Variants in ATP2C2 observed in about 807,000 individuals in gnomAD.
The protein encoded by ATP2C2 is calcium-transporting ATPase type 2C member 2.
A neutral mutation model predicts 110.8 loss-of-function variants in ATP2C2; 171 were observed. The observed-to-expected ratio is 1.54, with a 90% CI of 1.36 to 1.75. The LOEUF is 1.75. Ranked by LOEUF, ATP2C2 falls within the 40% of genes most tolerant of loss-of-function variation. ATP2C2 has a pLI of 0.00. For synonymous variants in ATP2C2, 804 were observed against 508.4 expected (o/e 1.58, Z -7.82); for missense variants, 1,963 against 1,235.0 (o/e 1.59, Z -8.84).
chr16:84,368,822 G>C, intron 1 of ATP2C2, 108 bp downstream of exon 1: 2 of 942,462 alleles, frequency 2.1e-6, no homozygotes, highest in Non-Finnish European at 3.1e-6. Context: ...CCGCGAACTC[G>C]CCCTCCTCCC....
intron 1 of ATP2C2, among the ~76,000 whole-genome samples, chr16:84,390,354 C>G (rs1461810117): frequency 1.3e-5 from 2 of 152,220 alleles, no homozygotes; most frequent in East Asian, 1.9e-4. Flanking sequence ...ACGTGCACTT[C>G]GTGGTCCCCT....
At chr16:84,411,365 G>A (rs985977123) in intron 6 of ATP2C2, among the ~76,000 whole-genome samples, 4 of 152,196 alleles carry the variant, frequency 2.6e-5, no homozygotes, top group Admixed American at 2.0e-4. Flanking sequence ...TCTGCTTAGC[G>A]TAGCCCTGTG....
In ATP2C2 at chr16:84,439,471, G is replaced by A. The variant is rs774881764; in HGVS notation, c.1156G>A (p.Ala386Thr). The change falls in exon 13 of 27, where the codon GCC becomes ACC. Residue 386 changes from alanine (A) to threonine (T), a missense_variant. By Grantham distance (58) the Ala-to-Thr change is moderately conservative (BLOSUM62 0). Coordinates refer to ENST00000262429, the MANE Select transcript of ATP2C2 (RefSeq NM_014861.4). The part of the protein sequence containing the change: ...LCSDKTGTLT[A>T]NEMTVTQLVT... ...TTCTGACAAGACGGGGACTCTGACT[G>A]CCAATGAAATGACAGTGACCCAGCT... The A allele has an allele frequency of 3.1e-6, 5 of 1,614,064 alleles. No homozygotes were observed. The highest frequency in any genetic ancestry group is 2.7e-5 in the African/African-American group (2 of 74,920).
intron 6 of ATP2C2, among the ~76,000 whole-genome samples, chr16:84,413,491 C>T (rs561262443): frequency 2.4e-4 from 36 of 152,232 alleles, no homozygotes; most frequent in Non-Finnish European, 3.4e-4. Context: ...GCTCGCTGGT[C>T]GGATGAACAG....
At chr16:84,448,508 A>G in intron 16 of ATP2C2, 25 bp from the exon 17 acceptor site, 1 of 1,595,218 alleles carries the variant, frequency 6.3e-7, no homozygotes. Context: ...GTGATAGTGG[A>G]TTTCTTCCCT....
chr16:84,381,996 T>C (rs1288448524), intron 1 of ATP2C2, among the ~76,000 whole-genome samples: 1 of 152,178 alleles, frequency 6.6e-6, no homozygotes, highest in Non-Finnish European at 1.5e-5. Flanking sequence ...TCAAATGCTT[T>C]CTTTTTTTCT....
chr16:84,375,217 C>T (rs1033535966), intron 1 of ATP2C2, among the ~76,000 whole-genome samples: 3 of 152,302 alleles, frequency 2.0e-5, no homozygotes, highest in African/African-American at 7.2e-5. Context: ...ACACAGTGGA[C>T]GGCTATGATT....
At chr16:84,394,445 G>A (rs1056705122) in intron 1 of ATP2C2, among the ~76,000 whole-genome samples, 1 of 151,994 alleles carries the variant, frequency 6.6e-6, no homozygotes, top group Non-Finnish European at 1.5e-5. Context: ...CTCACATACC[G>A]TGTGGCCTTT....
intron 2 of ATP2C2, chr16:84,404,607 T>C (rs1328636783): frequency 1.2e-5 from 3 of 256,872 alleles, no homozygotes; most frequent in Non-Finnish European, 2.3e-5. Context: ...CCTTGAAAGA[T>C]TGGTGGGTTG....
At chr16:84,408,279 C>T in intron 3 of ATP2C2, 126 bp from the exon 4 acceptor site, 3 of 873,030 alleles carry the variant, frequency 3.4e-6, no homozygotes, top group Admixed American at 2.0e-5. Flanking sequence ...CCTCGGTCAC[C>T]ATGGTGTTGA....
chr16:84,449,774 C>T (rs546756479), intron 17 of ATP2C2, among the ~76,000 whole-genome samples: 1 of 152,220 alleles, frequency 6.6e-6, no homozygotes, highest in Non-Finnish European at 1.5e-5. Context: ...ATGGTTGATA[C>T]GACCAAGCCA....
chr16:84,412,364 ATG>A lies in ATP2C2; in HGVS notation c.515+1608_515+1609del, dbSNP rs1491523538. ...TGCGTGTGTCTGCGTGCGTGTGTGC[ATG>A]TGTGTGTGCGTGTGTGTATATGTGT... On this transcript the variant is annotated intron_variant, in intron 6 of 26. Transcript: ENST00000262429. Among the ~76,000 whole-genome samples, 45 of 78,082 alleles carry A rather than the reference ATG, an allele frequency of 5.8e-4. 2 individuals carry two copies. Among genetic ancestry groups the A allele is most frequent in the Admixed American group, 4.5e-3 (38 of 8,508 alleles). The allele number at this position is 78,082 out of a possible 152,430, so 51.2% of individuals were successfully genotyped here.
chr16:84,378,699 G>T (rs1910394531), intron 1 of ATP2C2, among the ~76,000 whole-genome samples: 1 of 152,214 alleles, frequency 6.6e-6, no homozygotes, highest in Non-Finnish European at 1.5e-5. Flanking sequence ...CTCAGTGGTG[G>T]GGGCAGGGCC....
intron 17 of ATP2C2, 113 bp downstream of exon 17, chr16:84,448,802 C>G: frequency 7.2e-7 from 1 of 1,391,466 alleles, no homozygotes; most frequent in Admixed American, 2.3e-5. Flanking sequence ...AGGAGTCAGG[C>G]AGCATGCTGA....
intron 1 of ATP2C2, among the ~76,000 whole-genome samples, chr16:84,370,361 C>A (rs113461802): frequency 6.6e-6 from 1 of 152,182 alleles, no homozygotes; most frequent in African/African-American, 2.4e-5. Flanking sequence ...CGCCAGGAGG[C>A]GGGTGATACC....
Position 84,442,577 on chromosome 16 carries a change from C to G in ATP2C2, c.1379C>G (p.Ala460Gly), listed in dbSNP as rs1475267306. 1 of 1,613,894 alleles carries G rather than the reference C, an allele frequency of 6.2e-7. No homozygotes were observed. Among genetic ancestry groups the G allele is most frequent in the East Asian group, 2.2e-5 (1 of 44,884 alleles). The change falls in exon 15 of 27, where the codon GCA becomes GGA. Residue 460 changes from alanine to glycine, a missense_variant. Ala to Gly is a moderately conservative substitution (Grantham distance 60). Transcript: ENST00000262429. ...NAVMGQPTEG[A>G]LMALAMKMDL... ...GTGATGGGGCAGCCCACCGAGGGTG[C>G]ATTGATGGCCCTGGCGATGAAGGTA...
Position 84,425,729 on chromosome 16 carries a change from C to T in ATP2C2, c.920-6C>T. 1.2e-6 allele frequency: 2 copies of T among 1,613,980 alleles called. No homozygotes were observed. The highest frequency in any genetic ancestry group is 1.7e-6 in the Non-Finnish European group (2 of 1,179,906). ...GGAGATAAGGATGTTTTTGTCTCTT[C>T]CCCAGGTCTCATCATGCTCATTGGC... On this transcript the variant is annotated splice_polypyrimidine_tract_variant and splice_region_variant and intron_variant, in intron 10 of 26. Transcript: ENST00000262429.
At chr16:84,434,139 C>T (rs977790271) in intron 11 of ATP2C2, among the ~76,000 whole-genome samples, 22 of 152,028 alleles carry the variant, frequency 1.4e-4, no homozygotes, top group Admixed American at 5.2e-4. Context: ...ATTCCTGGGT[C>T]GGGCACGGTG....
chr16:84,448,516 C>A lies in ATP2C2; in HGVS notation c.1504-17C>A. On this transcript the variant is annotated splice_polypyrimidine_tract_variant and intron_variant, in intron 16 of 26. Transcript: ENST00000262429. Reference sequence around the variant, plus strand: ...GCTTCCAGTGATAGTGGATTTCTTCCCTTTGTCTTTTCTAAGGATCAGGAA... The same window carrying A: ...GCTTCCAGTGATAGTGGATTTCTTCACTTTGTCTTTTCTAAGGATCAGGAA... 1 of 1,599,936 alleles carries A rather than the reference C, an allele frequency of 6.3e-7. No homozygotes were observed. Among genetic ancestry groups the A allele is most frequent in the Non-Finnish European group, 8.5e-7 (1 of 1,170,262 alleles).
Sources: allele counts gnomAD v4.1 joint callset (sites outside exome capture counted in the v4.1 genomes callset), GRCh38; gene constraint gnomAD v4.1.1; transcripts MANE v1.5; gene names NCBI Gene and HGNC (gene_info 2026-07-23, HGNC 2026-07-21).